GLB1: variants seen among roughly 807,000 people sequenced by gnomAD.
The protein encoded by GLB1 is galactosidase beta 1, also known as beta-galactosidase.
Under a neutral mutation model 74.0 loss-of-function variants are expected in GLB1, and 56 were observed. The ratio of observed to expected loss-of-function variants is 0.76; its 90% CI spans 0.61 to 0.94. The LOEUF is 0.94. GLB1 is among the 40% of genes least tolerant of loss of function. The pLI is 0.00. For synonymous variants in GLB1, 323 were observed against 323.6 expected (o/e 1.00, Z 0.02); for missense variants, 787 against 845.5 (o/e 0.93, Z 0.86).
chr3:33,021,651 T>C lies in GLB1; in HGVS notation c.1148A>G (p.Lys383Arg). 6.2e-7 allele frequency: 1 copy of C among 1,613,706 alleles called. No homozygotes were observed. The highest frequency in any genetic ancestry group is 8.5e-7 in the Non-Finnish European group (1 of 1,179,862). ...AATGTCCAGAGCTGCTCCCACTGTC[T>C]TTAACTGAAAAGAAACAAAAGCAGC... ...AYGKVTLEKL[K>R]TVGAALDILC... Residue 383 changes from lysine to arginine, a missense_variant, in exon 12 of 16, where the codon AAG becomes AGG. Physicochemically the swap from Lys to Arg is conservative, Grantham distance 26 (BLOSUM62 2). Coordinates refer to ENST00000307363, the MANE Select transcript of GLB1 (RefSeq NM_000404.4).
At chr3:33,086,519 C>T (rs61319121) in intron 1 of GLB1, among the ~76,000 whole-genome samples, 73,165 of 151,986 alleles carry the variant, frequency 0.48, 20,889 homozygotes, top group Non-Finnish European at 0.62. Context: ...AAAGATAATG[C>T]GGAATTTTCT....
intron 5 of GLB1, among the ~76,000 whole-genome samples, chr3:33,061,197 G>A (rs569216102): frequency 3.9e-5 from 6 of 152,268 alleles, no homozygotes; most frequent in Non-Finnish European, 5.9e-5. Context: ...GATCACTTGA[G>A]GTCAGGAGTT....
At chr3:33,058,355 G>A in intron 5 of GLB1, 86 bp from the exon 6 acceptor site, 1 of 1,571,996 alleles carries the variant, frequency 6.4e-7, no homozygotes. Context: ...AAATATCTGA[G>A]CATCTGCTAA....
chr3:33,065,968 C>A (rs866849309), intron 4 of GLB1, among the ~76,000 whole-genome samples: 84 of 123,800 alleles, frequency 6.8e-4, no homozygotes, highest in Middle Eastern at 4.1e-3. Flanking sequence ...AACTCTGTCT[C>A]AAAAAAAAAA....
At position 33,021,605 on chromosome 3, in the gene GLB1, G is replaced by C. The variant is rs1697487341; in HGVS notation, c.1194C>G (p.Ile398Met). 2 of 1,613,954 alleles carry C rather than the reference G, an allele frequency of 1.2e-6. No individual in the cohort carries two copies. The highest frequency in any genetic ancestry group is 2.7e-5 in the African/African-American group (2 of 74,928). Reference protein sequence around the residue: ...ALDILCPSGPIKSLYPLTFIQ... With the variant: ...ALDILCPSGPMKSLYPLTFIQ... ...TAAATGTCAAGGGATAAAGGCTTTT[G>C]ATGGGCCCAGAGGGACACAGAATGT... The change falls in exon 12 of 16, where the codon ATC (isoleucine) becomes ATG (methionine). Residue 398 changes from isoleucine (I) to methionine (M), a missense_variant. Transcript: ENST00000307363.
At chr3:33,030,977 T>C (rs116135711) in intron 10 of GLB1, among the ~76,000 whole-genome samples, 3,274 of 152,264 alleles carry the variant, frequency 0.022, 49 homozygotes, top group Non-Finnish European at 0.034. Context: ...CCATGTTTGG[T>C]TGAGTTTTAC....
chr3:33,027,970 G>A (rs1215007955), intron 10 of GLB1, among the ~76,000 whole-genome samples: 4 of 151,860 alleles, frequency 2.6e-5, no homozygotes, highest in Non-Finnish European at 4.4e-5. Flanking sequence ...GCACAATCAC[G>A]GCTCACTGCA....
At chr3:33,087,605 A>G (rs1270785615) in intron 1 of GLB1, among the ~76,000 whole-genome samples, 6 of 149,136 alleles carry the variant, frequency 4.0e-5, no homozygotes, top group East Asian at 2.0e-4. Flanking sequence ...ACACACACAC[A>G]CACACACACA....
chr3:32,998,016 T>C (rs1481082180), intron 15 of GLB1, among the ~76,000 whole-genome samples: 1 of 152,220 alleles, frequency 6.6e-6, no homozygotes, highest in African/African-American at 2.4e-5. Flanking sequence ...TTCTAAGGAC[T>C]CTTACAGGCA....
At chr3:33,071,740 ATTCATC>A (rs775336066) in intron 2 of GLB1, among the ~76,000 whole-genome samples, 9 of 152,258 alleles carry the variant, frequency 5.9e-5, no homozygotes, top group Non-Finnish European at 1.2e-4. Context: ...TCAAACCAGA[ATTCATC>A]TTCCCCCAGT....
chr3:33,033,894 C>G, intron 10 of GLB1: 1 of 531,076 alleles, frequency 1.9e-6, no homozygotes, highest in Non-Finnish European at 3.8e-6. Context: ...GTGGATACCT[C>G]CCATAAGGAT....
At chr3:33,091,734 A>G in intron 1 of GLB1, 1 of 985,416 alleles carries the variant, frequency 1.0e-6, no homozygotes, top group Non-Finnish European at 1.2e-6. Context: ...CAGCAGGGTT[A>G]GCCTCTCCAG....
intron 1 of GLB1, among the ~76,000 whole-genome samples, chr3:33,086,130 A>T (rs1292647816): frequency 6.6e-6 from 1 of 152,208 alleles, no homozygotes. Flanking sequence ...AAGATGGGCT[A>T]TTTTGAGTAT....
chr3:33,073,101 CAAT>C (rs1052079497), intron 1 of GLB1, among the ~76,000 whole-genome samples: 25 of 152,222 alleles, frequency 1.6e-4, no homozygotes, highest in Admixed American at 5.9e-4. Flanking sequence ...ACCTCAACAA[CAAT>C]GTCACTGGGA....
At chr3:33,063,109 G>A (rs796724690) in intron 5 of GLB1, among the ~76,000 whole-genome samples, 12 of 152,248 alleles carry the variant, frequency 7.9e-5, no homozygotes, top group African/African-American at 2.6e-4. Context: ...GGAACTGTGC[G>A]TCAGAAGGTA....
At chr3:33,028,769 G>A (rs1395987969) in intron 10 of GLB1, among the ~76,000 whole-genome samples, 1 of 151,618 alleles carries the variant, frequency 6.6e-6, no homozygotes, top group African/African-American at 2.4e-5. Context: ...AGGTTCCAGC[G>A]ATTCTCCTGC....
chr3:32,968,018 G>A, the GLB1 span, among the ~76,000 whole-genome samples: 1 of 152,210 alleles, frequency 6.6e-6, no homozygotes, highest in Non-Finnish European at 1.5e-5. Context: ...AGGGCGGCAG[G>A]AGTGGCTTTT....
chr3:32,993,334 T>C (rs187051293), downstream of GLB1, among the ~76,000 whole-genome samples: 440 of 152,102 alleles, frequency 2.9e-3, 3 homozygotes, highest in African/African-American at 0.01. Context: ...ACAGGAGGGA[T>C]GATAAATCTG....
chr3:33,034,264 T>C, intron 10 of GLB1: 3 of 692,990 alleles, frequency 4.3e-6, no homozygotes, highest in East Asian at 2.6e-5. Context: ...TGCTGACTTA[T>C]ACAGGGGAAG....
Sources: allele counts gnomAD v4.1 joint callset (sites outside exome capture counted in the v4.1 genomes callset), GRCh38; gene constraint gnomAD v4.1.1; transcripts MANE v1.5; gene names NCBI Gene and HGNC (gene_info 2026-07-23, HGNC 2026-07-21).